The following GGACT variants were observed in gnomAD, a reference collection of about 807,000 sequenced individuals.
The protein encoded by GGACT is gamma-glutamylaminecyclotransferase.
For missense variants in GGACT, 241 were observed against 233.2 expected (o/e 1.03, Z -0.22); for synonymous variants, 118 against 115.3 (o/e 1.02, Z -0.15).
chr13:100,536,375 C>G (rs1205794762), intron 2 of GGACT: 1 of 151,928 alleles, frequency 6.6e-6, no homozygotes, highest in Non-Finnish European at 1.5e-5. Flanking sequence ...GAGGTCCTGA[C>G]TTCAGCCTCC....
chr13:100,551,150 G>A (rs557305355), intron 2 of GGACT, among the ~76,000 whole-genome samples: 13 of 152,198 alleles, frequency 8.5e-5, no homozygotes, highest in African/African-American at 2.2e-4. Context: ...CGGGTGTGGT[G>A]GCGGGCGCCT....
At chr13:100,544,369 G>A (rs2088585216) in intron 2 of GGACT, among the ~76,000 whole-genome samples, 1 of 152,254 alleles carries the variant, frequency 6.6e-6, no homozygotes, top group Non-Finnish European at 1.5e-5. Context: ...AACGTGCCAG[G>A]GAGGGCTCGG....
chr13:100,554,636 T>G (rs1182985296), intron 2 of GGACT, among the ~76,000 whole-genome samples: 2 of 152,212 alleles, frequency 1.3e-5, no homozygotes, highest in African/African-American at 4.8e-5. Context: ...TATCCTTATT[T>G]TTTCAGAGAC....
At chr13:100,586,979 A>C (rs1288855665) in intron 1 of GGACT, 1 of 152,258 alleles carries the variant, frequency 6.6e-6, no homozygotes, top group Non-Finnish European at 1.5e-5. Flanking sequence ...AGTCATGTTT[A>C]ATTGAGAACT....
At chr13:100,540,064 T>C (rs1357405015) in intron 2 of GGACT, 31 of 1,320,746 alleles carry the variant, frequency 2.3e-5, no homozygotes, top group Non-Finnish European at 3.1e-5. Flanking sequence ...GGGAAGCACA[T>C]AGGCATCGAA....
intron 2 of GGACT, among the ~76,000 whole-genome samples, chr13:100,549,394 T>G (rs1157896536): frequency 6.6e-6 from 1 of 152,166 alleles, no homozygotes; most frequent in Non-Finnish European, 1.5e-5. Flanking sequence ...TCTGTCCACT[T>G]CAAACCAGCA....
intron 2 of GGACT, among the ~76,000 whole-genome samples, chr13:100,541,062 G>T (rs2088549345): frequency 6.6e-6 from 1 of 152,214 alleles, no homozygotes; most frequent in Non-Finnish European, 1.5e-5. Flanking sequence ...AAATGTAAGG[G>T]CTTGGTTTAA....
intron 1 of GGACT, among the ~76,000 whole-genome samples, chr13:100,586,320 G>C (rs908160158): frequency 6.6e-6 from 1 of 152,128 alleles, no homozygotes; most frequent in African/African-American, 2.4e-5. Context: ...CAAGACTTGT[G>C]AAGTCCATTT....
intron 2 of GGACT, among the ~76,000 whole-genome samples, chr13:100,581,445 C>T (rs550971653): frequency 6.6e-6 from 1 of 152,248 alleles, no homozygotes; most frequent in East Asian, 1.9e-4. Flanking sequence ...CTCCCAATGG[C>T]CAAAGCAGGA....
intron 2 of GGACT, among the ~76,000 whole-genome samples, chr13:100,562,809 GAAAA>G (rs1233078963): frequency 7.1e-6 from 1 of 140,252 alleles, no homozygotes; most frequent in Non-Finnish European, 1.6e-5. Context: ...AAAAAAAAAA[GAAAA>G]AAAAGAAAAG....
chr13:100,575,549 A>G (rs1327818704), intron 2 of GGACT, among the ~76,000 whole-genome samples: 3 of 152,188 alleles, frequency 2.0e-5, no homozygotes. Context: ...GCAGCCCATT[A>G]AAAAAACTAT....
chr13:100,532,469 C>T lies in GGACT; in HGVS notation c.123G>A (p.Pro41=), dbSNP rs373993016. ...TGTTGTGCTCCCCCGCGATCACCAA[C>T]GGGTAGGGCTCCAGCGTGCGGCCGC... The part of the protein sequence containing the change: ...RARGRTLEPY[P]LVIAGEHNIP... Residue 41 remains proline, a synonymous_variant, in exon 3 of 3, where the codon CCG becomes CCA. Coordinates refer to ENST00000683975, the MANE Select transcript of GGACT (RefSeq NM_001195087.2). 2.0e-5 allele frequency: 31 copies of T among 1,549,672 alleles called. No individual in the cohort carries two copies. In the East Asian group the frequency reaches 2.4e-4, roughly 12 times the overall value.
intron 2 of GGACT, among the ~76,000 whole-genome samples, chr13:100,570,666 G>A (rs959231317): frequency 4.6e-5 from 7 of 152,180 alleles, no homozygotes; most frequent in East Asian, 1.9e-4. Context: ...CCCAAGGAAT[G>A]TCTCCTTCTG....
intron 2 of GGACT, among the ~76,000 whole-genome samples, chr13:100,553,242 C>G (rs1424209394): frequency 6.6e-6 from 1 of 152,048 alleles, no homozygotes; most frequent in East Asian, 2.0e-4. Flanking sequence ...TTTAGGAAAG[C>G]TGAGCCTGTG....
intron 2 of GGACT, among the ~76,000 whole-genome samples, chr13:100,578,126 C>T (rs975891691): frequency 1.3e-5 from 2 of 152,158 alleles, no homozygotes; most frequent in East Asian, 1.9e-4. Context: ...GGCATCTGGG[C>T]GTCCACAGGG....
chr13:100,570,406 T>C (rs1032167057), intron 2 of GGACT, among the ~76,000 whole-genome samples: 1 of 152,006 alleles, frequency 6.6e-6, no homozygotes, highest in African/African-American at 2.4e-5. Context: ...GGAAAATGAG[T>C]GCCCCATGAA....
At chr13:100,550,652 C>G (rs1476864133) in intron 2 of GGACT, among the ~76,000 whole-genome samples, 1 of 152,202 alleles carries the variant, frequency 6.6e-6, no homozygotes, top group East Asian at 1.9e-4. Flanking sequence ...TAAAGGCCCA[C>G]GCACAGGCCA....
At chr13:100,551,116 C>A (rs889609712) in intron 2 of GGACT, among the ~76,000 whole-genome samples, 3 of 152,048 alleles carry the variant, frequency 2.0e-5, no homozygotes, top group African/African-American at 7.2e-5. Flanking sequence ...AACCCCATCT[C>A]TACTAAAAGT....
At chr13:100,556,901 T>G (rs2088713418) in intron 2 of GGACT, among the ~76,000 whole-genome samples, 1 of 151,886 alleles carries the variant, frequency 6.6e-6, no homozygotes. Context: ...TGAGGTGGAG[T>G]CTTGCTCTGT....
Sources: gnomAD v4.1 joint callset for allele counts (sites outside exome capture counted in the v4.1 genomes callset) on GRCh38, gnomAD v4.1.1 for gene constraint, MANE v1.5 for transcripts, NCBI Gene and HGNC (gene_info 2026-07-23, HGNC 2026-07-21) for gene names.